The following CCND2 variants were observed in gnomAD, a reference collection of about 807,000 sequenced individuals.
CCND2 encodes the protein cyclin D2, also known as G1/S-specific cyclin-D2.
Under a neutral mutation model 30.2 loss-of-function variants are expected in CCND2, and 6 were observed. That is an observed-to-expected ratio of 0.20 (90% CI 0.11 to 0.39). The LOEUF (loss-of-function observed/expected upper bound fraction) is 0.39, where lower values mean the gene tolerates loss of function less well. CCND2 is among the 10% of genes least tolerant of loss of function. The pLI is 1.00. For synonymous variants in CCND2, 150 were observed against 153.1 expected, an observed-to-expected ratio of 0.98 and a Z score of 0.15; for missense variants, 235 against 373.4, an observed-to-expected ratio of 0.63 and a Z score of 3.06.
rs575261539 is a variant in CCND2, at chr12:4,276,905, G to A, written c.411+685G>A. On this transcript the variant is annotated intron_variant, in intron 2 of 4. Coordinates refer to ENST00000261254, the MANE Select transcript of CCND2 (RefSeq NM_001759.4). The surrounding 1 kb of genome is among the most constrained non-coding windows in gnomAD (Gnocchi z 4.8). ...TTCCCTGCAGCTTGACATATAAGAC[G>A]ACCATATTGCAGCTGTACCGCATGG... Among the ~76,000 whole-genome samples, 4 of 152,248 alleles carry A rather than the reference G, an allele frequency of 2.6e-5. No homozygotes were observed. The East Asian group carries it at 7.7e-4, about 29-fold the overall frequency.
chr12:4,298,442 C>T (rs1251529834), intron 4 of CCND2, among the ~76,000 whole-genome samples: 3 of 152,174 alleles, frequency 2.0e-5, no homozygotes, highest in Non-Finnish European at 4.4e-5. Flanking sequence ...AGATCGGGAG[C>T]TTGCTGTGTT....
intron 3 of CCND2, among the ~76,000 whole-genome samples, chr12:4,284,166 G>T (rs374959730): frequency 1.3e-5 from 2 of 152,228 alleles, no homozygotes; most frequent in Admixed American, 1.3e-4. Flanking sequence ...GGAGGGGCAG[G>T]TTGGGGAGGA....
Position 4,304,935 on chromosome 12 carries a change from TCTCTCTCTC to T in CCND2, c.*4936_*4944del, listed in dbSNP as rs1864295257. 1 of 233,380 alleles carries T rather than the reference TCTCTCTCTC, an allele frequency of 4.3e-6. No individual in the cohort carries two copies. The highest frequency in any genetic ancestry group is 2.2e-5 in the African/African-American group (1 of 45,282). The allele number at this position is 233,380 out of a possible 1,614,324, so 14.5% of individuals were successfully genotyped here. On this transcript the variant is annotated 3_prime_UTR_variant, in exon 5 of 5. Coordinates refer to ENST00000261254, the MANE Select transcript of CCND2 (RefSeq NM_001759.4). This position sits in a 1 kb window ranked among gnomAD's most constrained non-coding sequence, Gnocchi z 6.2. The stretch of plus-strand genomic sequence containing the variant: ...CCTTATATCATGTACCTCAGATCTC[TCTCTCTCTC>T]CTCTCTCTCAGTTATGTAGTTTCTT...
Position 4,285,187 on chromosome 12 carries a change from C to A in CCND2, c.572-3655C>A. The A allele has an allele frequency of 1.7e-6, 1 of 598,908 alleles. No individual in the cohort carries two copies. Among genetic ancestry groups the A allele is most frequent in the Non-Finnish European group, 2.1e-6 (1 of 477,206 alleles). The allele number at this position is 598,908 out of a possible 1,614,324, so 37.1% of individuals were successfully genotyped here. On this transcript the variant is annotated intron_variant, in intron 3 of 4. Coordinates refer to ENST00000261254, the MANE Select transcript of CCND2 (RefSeq NM_001759.4). The surrounding 1 kb of genome is among the most constrained non-coding windows in gnomAD (Gnocchi z 4.1). ...ATTGTACGTTTTGGGGGGAGTCCTC[C>A]ATGCTGCCTGGAACAGGGAGGAGCA...
At chr12:4,283,453 A>T (rs920853616) in intron 3 of CCND2, among the ~76,000 whole-genome samples, 2 of 152,222 alleles carry the variant, frequency 1.3e-5, no homozygotes, top group Non-Finnish European at 2.9e-5. Context: ...AGAGCTCTGC[A>T]TCCAGAGTCT....
chr12:4,295,029 A>G (rs1864149281), intron 4 of CCND2, among the ~76,000 whole-genome samples: 1 of 152,210 alleles, frequency 6.6e-6, no homozygotes, highest in Non-Finnish European at 1.5e-5. Flanking sequence ...TGCAGGTATC[A>G]GCACCACTGC....
In CCND2 at chr12:4,274,131, C is replaced by G. The variant is rs746043858; in HGVS notation, c.91C>G (p.Leu31Val). ...AGACGACCGCGTCCTGCAGAACCTG[C>G]TCACCATCGAGGAGCGCTACCTTCC... ...LRDDRVLQNL[L>V]TIEERYLPQC... The change falls in exon 1 of 5, where the codon CTC (leucine) becomes GTC (valine). Residue 31 changes from leucine to valine, a missense_variant. Leu to Val is a conservative substitution (Grantham distance 32). Around this residue, in one of 2 missense-constraint regions of CCND2, gnomAD observed 178 missense variants for 322.8 expected, o/e 0.55. Transcript: ENST00000261254. The surrounding 1 kb of genome is among the most constrained non-coding windows in gnomAD (Gnocchi z 7.7). The G allele has an allele frequency of 6.2e-7, 1 of 1,614,014 alleles. No individual in the cohort carries two copies. The highest frequency in any genetic ancestry group is 8.5e-7 in the Non-Finnish European group (1 of 1,179,998).
In CCND2 at chr12:4,287,848, C is replaced by T. The variant is rs1217954009; in HGVS notation, c.572-994C>T. 2.0e-5 allele frequency among the ~76,000 whole-genome samples: 3 copies of T among 152,174 alleles called. No individual in the cohort carries two copies. The highest frequency in any genetic ancestry group is 4.4e-5 in the Non-Finnish European group (3 of 68,026). On this transcript the variant is annotated intron_variant, in intron 3 of 4. Transcript: ENST00000261254. This position sits in a 1 kb window ranked among gnomAD's most constrained non-coding sequence, Gnocchi z 4.0. ...AGCTGCTGGATCATGGCCACCCAGC[C>T]CCTCTGAAGGAGTGCTCGGAGGAAC...
intron 3 of CCND2, 122 bp from the exon 4 acceptor site, chr12:4,288,720 G>A: frequency 1.2e-6 from 1 of 852,694 alleles, no homozygotes; most frequent in Non-Finnish European, 1.9e-6. Flanking sequence ...CATGCCTGTA[G>A]GGCACGGGGT....
At position 4,277,233 on chromosome 12, in the gene CCND2, G is replaced by T. The variant is rs984042021; in HGVS notation, c.411+1013G>T. ...GTTTTAGCTGCTTCTGGTTTGGTCC[G>T]AGAGGCCTAGAAAGGTGCTTTCTTC... On this transcript the variant is annotated intron_variant, in intron 2 of 4. Transcript: ENST00000261254. Among the ~76,000 whole-genome samples the T allele has an allele frequency of 5.9e-5, 9 of 152,324 alleles. No homozygotes were observed. In the East Asian group the frequency reaches 1.7e-3, roughly 29 times the overall value.
In CCND2 at chr12:4,285,346, C is replaced by G. The variant is rs1864008451; in HGVS notation, c.572-3496C>G. 2.0e-6 allele frequency: 2 copies of G among 985,320 alleles called. No individual in the cohort carries two copies. Among genetic ancestry groups the G allele is most frequent in the Non-Finnish European group, 2.4e-6 (2 of 829,842 alleles). 61.0% of individuals were successfully genotyped at this position (985,320 alleles called of 1,614,324 possible). A position where few individuals can be genotyped will look rare whatever the true frequency, so the allele number is the denominator to read the frequency against. On this transcript the variant is annotated intron_variant, in intron 3 of 4. Transcript: ENST00000261254. This position sits in a 1 kb window ranked among gnomAD's most constrained non-coding sequence, Gnocchi z 4.1. ...GCAATTAACGATGGCGAGGGCACACCCTCACCCCTGAGCGTGCCTTCTGCA... is the reference window on the plus strand; with the variant it reads ...GCAATTAACGATGGCGAGGGCACACGCTCACCCCTGAGCGTGCCTTCTGCA...
chr12:4,295,313 G>T (rs1864153574), intron 4 of CCND2, among the ~76,000 whole-genome samples: 1 of 152,242 alleles, frequency 6.6e-6, no homozygotes, highest in Non-Finnish European at 1.5e-5. Flanking sequence ...AAGTTTCGTG[G>T]AAGTGGAACC....
intron 4 of CCND2, among the ~76,000 whole-genome samples, chr12:4,291,981 G>T (rs773678459): frequency 6.6e-5 from 10 of 152,152 alleles, no homozygotes; most frequent in African/African-American, 9.7e-5. Flanking sequence ...AGTGTTTAAT[G>T]CGTACGGAGT....
rs1185860901 is a variant in CCND2, at chr12:4,274,500, C to T, written c.195+265C>T. On this transcript the variant is annotated intron_variant, in intron 1 of 4. Coordinates refer to ENST00000261254, the MANE Select transcript of CCND2 (RefSeq NM_001759.4). The surrounding 1 kb of genome is among the most constrained non-coding windows in gnomAD (Gnocchi z 7.7). Reference sequence around the variant, plus strand: ...AGGGGAGCATCCCGCGCGCGTGTTCCTGCATGTGGCTGCCTCTTCTTCCCA... The same window carrying T: ...AGGGGAGCATCCCGCGCGCGTGTTCTTGCATGTGGCTGCCTCTTCTTCCCA... Among the ~76,000 whole-genome samples the T allele has an allele frequency of 6.6e-6, 1 of 152,228 alleles. No individual in the cohort carries two copies. The highest frequency in any genetic ancestry group is 1.5e-5 in the Non-Finnish European group (1 of 68,034).
rs758481533 is a variant in CCND2, at chr12:4,300,936, G to A, written c.*927G>A. ...TTTTTGGTGCTGATTGGCATGTCTG[G>A]TTCACAGTTTAGCATTGTTATAAAC... On this transcript the variant is annotated 3_prime_UTR_variant, in exon 5 of 5. Transcript: ENST00000261254. 1.3e-5 allele frequency: 3 copies of A among 233,698 alleles called. No individual in the cohort carries two copies. The highest frequency in any genetic ancestry group is 2.5e-5 in the Non-Finnish European group (3 of 118,048). 14.5% of individuals were successfully genotyped at this position (233,698 alleles called of 1,614,324 possible).
At chr12:4,277,182 T>G (rs1863886239) in intron 2 of CCND2, among the ~76,000 whole-genome samples, 1 of 152,232 alleles carries the variant, frequency 6.6e-6, no homozygotes, top group South Asian at 2.1e-4. Context: ...GGGGCCTGAA[T>G]GACTTCACCT....
rs1328123417 is a variant in CCND2 at position 4,302,551 on chromosome 12, G to A, written c.*2542G>A. The A allele has an allele frequency of 4.3e-5, 10 of 233,092 alleles. No individual in the cohort carries two copies. The highest frequency in any genetic ancestry group is 8.5e-5 in the Non-Finnish European group (10 of 118,040). The allele number at this position is 233,092 out of a possible 1,614,324, so 14.4% of individuals were successfully genotyped here. On this transcript the variant is annotated 3_prime_UTR_variant, in exon 5 of 5. Transcript: ENST00000261254. ...TCTGAATCTGCGAGTAGATGAACCT[G>A]CAGCAAGCAGCGTTTATGGTGCTTC...
In CCND2 at chr12:4,300,146, CT is replaced by C; in HGVS notation, c.*141del. On this transcript the variant is annotated 3_prime_UTR_variant, in exon 5 of 5. Coordinates refer to ENST00000261254, the MANE Select transcript of CCND2 (RefSeq NM_001759.4). ...CCCCACCTAGATCATATTTAAAGATCTTTTAGAAGTGAGAGAAAAAGGTCCT... is the reference window on the plus strand; with the variant it reads ...CCCCACCTAGATCATATTTAAAGATCTTTAGAAGTGAGAGAAAAAGGTCCT... The C allele has an allele frequency of 2.3e-6, 2 of 860,552 alleles. No individual in the cohort carries two copies. The highest frequency in any genetic ancestry group is 3.4e-6 in the Non-Finnish European group (2 of 587,286). The allele number at this position is 860,552 out of a possible 1,614,324, so 53.3% of individuals were successfully genotyped here.
chr12:4,285,309 C>T lies in CCND2; in HGVS notation c.572-3533C>T. 1.0e-6 allele frequency: 1 copy of T among 985,448 alleles called. No individual in the cohort carries two copies. The highest frequency in any genetic ancestry group is 1.2e-6 in the Non-Finnish European group (1 of 829,950). The allele number at this position is 985,448 out of a possible 1,614,324, so 61.0% of individuals were successfully genotyped here. A position where few individuals can be genotyped will look rare whatever the true frequency, so the allele number is the denominator to read the frequency against. ...TCTCAGGAAGTCACCAGCATCTCAC[C>T]TCTCCAGGTGGGCAATTAACGATGG... On this transcript the variant is annotated intron_variant, in intron 3 of 4. Transcript: ENST00000261254. The surrounding 1 kb of genome is among the most constrained non-coding windows in gnomAD (Gnocchi z 4.1).
Sources: gnomAD v4.1 joint callset for allele counts (sites outside exome capture counted in the v4.1 genomes callset) on GRCh38, gnomAD v4.1.1 for gene constraint, gnomAD v4.1.1 regional missense constraint, Gnocchi (gnomAD v3.1) non-coding constraint, MANE v1.5 for transcripts, NCBI Gene and HGNC (gene_info 2026-07-23, HGNC 2026-07-21) for gene names.